Variants in MAGI1 observed in about 807,000 individuals in gnomAD.
MAGI1 encodes the protein membrane associated guanylate kinase, WW and PDZ domain containing 1.
A neutral mutation model predicts 139.9 loss-of-function variants in MAGI1; 58 were observed. The observed-to-expected ratio is 0.41, with a 90% CI of 0.34 to 0.52. MAGI1 has a LOEUF of 0.52. Among genes scored for constraint, MAGI1 ranks in the 20% least tolerant of loss-of-function variants. The probability of loss-of-function intolerance (pLI) is 0.12; values close to 1 mark genes in which losing one functional copy is unlikely to be tolerated. For missense variants in MAGI1, 1,874 were observed against 1,901.6 expected (o/e 0.99, Z 0.27); for synonymous variants, 812 against 737.9 (o/e 1.10, Z -1.63).
At chr3:65,850,439 T>C (rs1187088226) in intron 1 of MAGI1, among the ~76,000 whole-genome samples, 1 of 152,076 alleles carries the variant, frequency 6.6e-6, no homozygotes, top group Non-Finnish European at 1.5e-5. Context: ...TGGCTAGTCA[T>C]CCTAATGCAA....
chr3:65,411,450 T>C (rs1293897202), intron 12 of MAGI1, among the ~76,000 whole-genome samples: 1 of 152,172 alleles, frequency 6.6e-6, no homozygotes, highest in Non-Finnish European at 1.5e-5. Context: ...CCCCATGCAG[T>C]TCCTACAAAT....
intron 1 of MAGI1, among the ~76,000 whole-genome samples, chr3:65,950,035 C>G (rs1181341988): frequency 1.4e-4 from 15 of 104,616 alleles, no homozygotes; most frequent in Admixed American, 8.2e-4. Context: ...GGCAACAGAG[C>G]CAGATCATCA....
At chr3:65,834,522 CT>C (rs2042700944) in intron 1 of MAGI1, among the ~76,000 whole-genome samples, 1 of 152,202 alleles carries the variant, frequency 6.6e-6, no homozygotes, top group Non-Finnish European at 1.5e-5. Context: ...GGTATACGAT[CT>C]GTAGGTGCTT....
chr3:66,038,076 A>C lies in MAGI1; in HGVS notation c.233T>G (p.Val78Gly), dbSNP rs779561114. The change falls in exon 1 of 23, where the codon GTG becomes GGG. Residue 78 changes from valine to glycine, a missense_variant. Val to Gly is a moderately radical substitution (Grantham distance 109, BLOSUM62 -3). Coordinates refer to ENST00000402939, the MANE Select transcript of MAGI1 (RefSeq NM_001033057.2). ...CACGTCATAGCGGGGCAAGCCGGAC[A>C]CCCGGACCCCCTGCACCTCCAGAAG... Reference protein sequence around the residue: ...ELLLEVQGVRVSGLPRYDVLG... With the variant: ...ELLLEVQGVRGSGLPRYDVLG... The C allele has an allele frequency of 6.8e-6, 11 of 1,612,616 alleles. No individual in the cohort carries two copies. The highest frequency in any genetic ancestry group is 9.3e-6 in the Non-Finnish European group (11 of 1,179,614).
In MAGI1 at chr3:65,357,096, G is replaced by T; in HGVS notation, c.3671C>A (p.Pro1224Gln). The change falls in exon 23 of 23, where the codon CCA (proline) becomes CAA (glutamine). Residue 1224 changes from proline (P) to glutamine (Q), a missense_variant. Pro to Gln is a moderately conservative substitution (Grantham distance 76). Transcript: ENST00000402939. ...GGCCCTCACTTCCGGAACACCTTGT[G>T]GACCGGTGGCGGGGCCGTGGCGGTC... ...SSDRHGPATG[P>Q]QGVPEVRAGP... is the part of the protein sequence containing the mutation. 1 of 1,613,582 alleles carries T rather than the reference G, an allele frequency of 6.2e-7. No individual in the cohort carries two copies. Among genetic ancestry groups the T allele is most frequent in the Non-Finnish European group, 8.5e-7 (1 of 1,179,662 alleles).
intron 1 of MAGI1, among the ~76,000 whole-genome samples, chr3:65,819,758 T>A (rs568561233): frequency 6.7e-6 from 1 of 149,720 alleles, no homozygotes; most frequent in East Asian, 2.0e-4. Context: ...ATGTCTGTAG[T>A]CCCAGCTGCT....
chr3:65,670,516 T>C (rs2086789960), intron 1 of MAGI1, among the ~76,000 whole-genome samples: 1 of 152,164 alleles, frequency 6.6e-6, no homozygotes, highest in East Asian at 1.9e-4. Flanking sequence ...TAATTATTTA[T>C]AGAGTACCAT....
At chr3:65,944,567 CCTT>C (rs1235726145) in intron 1 of MAGI1, among the ~76,000 whole-genome samples, 1 of 151,766 alleles carries the variant, frequency 6.6e-6, no homozygotes, top group Non-Finnish European at 1.5e-5. Context: ...CTTTCCAATG[CCTT>C]TTTTTGAGAA....
At chr3:65,599,125 G>T (rs1026872569) in intron 2 of MAGI1, among the ~76,000 whole-genome samples, 5 of 152,092 alleles carry the variant, frequency 3.3e-5, no homozygotes, top group African/African-American at 1.2e-4. Flanking sequence ...AGAATGCCAA[G>T]AAAATAGGGC....
At chr3:65,600,317 A>G (rs559072521) in intron 2 of MAGI1, among the ~76,000 whole-genome samples, 1 of 152,330 alleles carries the variant, frequency 6.6e-6, no homozygotes, top group African/African-American at 2.4e-5. Context: ...TCCAGTCTTC[A>G]ATAGGGAAAG....
intron 12 of MAGI1, among the ~76,000 whole-genome samples, chr3:65,419,184 T>G (rs1182870607): frequency 6.6e-6 from 1 of 150,976 alleles, no homozygotes; most frequent in Non-Finnish European, 1.5e-5. Flanking sequence ...TATGTGACTA[T>G]GTTCCACAAT....
intron 18 of MAGI1, 78 bp from the exon 19 acceptor site, chr3:65,365,024 T>G: frequency 9.4e-7 from 1 of 1,061,204 alleles, no homozygotes. Context: ...GCAGAAGCCC[T>G]GTATCTGAAT....
intron 1 of MAGI1, among the ~76,000 whole-genome samples, chr3:65,641,705 C>T: frequency 6.6e-6 from 1 of 152,178 alleles, no homozygotes; most frequent in East Asian, 1.9e-4. Context: ...CTTAGAGTCA[C>T]AGCCCTGGGA....
intron 2 of MAGI1, chr3:65,549,296 T>C (rs1431528723): frequency 2.2e-6 from 1 of 464,150 alleles, no homozygotes; most frequent in Non-Finnish European, 2.8e-6. Flanking sequence ...CTTTCCTCCC[T>C]CTTTCCGTCT....
intron 2 of MAGI1, among the ~76,000 whole-genome samples, chr3:65,584,393 C>G (rs2081578056): frequency 6.6e-6 from 1 of 152,166 alleles, no homozygotes; most frequent in Non-Finnish European, 1.5e-5. Context: ...ACAACATACC[C>G]ACTATCCTAA....
intron 1 of MAGI1, among the ~76,000 whole-genome samples, chr3:65,995,329 A>C (rs533233212): frequency 3.9e-5 from 6 of 152,238 alleles, no homozygotes; most frequent in Admixed American, 6.5e-5. Context: ...GCAATAGCCA[A>C]TAATTACAAT....
At chr3:65,403,618 T>C (rs1347348747) in intron 12 of MAGI1, among the ~76,000 whole-genome samples, 1 of 152,214 alleles carries the variant, frequency 6.6e-6, no homozygotes, top group Non-Finnish European at 1.5e-5. Context: ...AGTTATCTTT[T>C]ACTGCACTTG....
At chr3:65,372,044 C>A (rs1942056310) in intron 18 of MAGI1, 1 of 222,408 alleles carries the variant, frequency 4.5e-6, no homozygotes, top group South Asian at 5.2e-5. Flanking sequence ...CATAAATGTT[C>A]TTAATGGCAT....
chr3:65,527,298 G>A (rs1422995841), intron 2 of MAGI1, among the ~76,000 whole-genome samples: 1 of 152,192 alleles, frequency 6.6e-6, no homozygotes, highest in African/African-American at 2.4e-5. Flanking sequence ...TATATTTCAG[G>A]GCTGGGTACG....
Sources: gnomAD v4.1 joint callset for allele counts (sites outside exome capture counted in the v4.1 genomes callset) on GRCh38, gnomAD v4.1.1 for gene constraint, MANE v1.5 for transcripts, NCBI Gene and HGNC (gene_info 2026-07-23, HGNC 2026-07-21) for gene names.